HERC1: variants seen among roughly 807,000 people sequenced by gnomAD.
HERC1 encodes HECT and RLD domain containing E3 ubiquitin protein ligase family member 1, also known as probable E3 ubiquitin-protein ligase HERC1.
In HERC1, 160 loss-of-function variants were observed where a neutral mutation model predicts 554.3. That is an observed-to-expected ratio of 0.29 (90% CI 0.25 to 0.33). HERC1 has a LOEUF of 0.33. Among genes scored for constraint, HERC1 ranks in the 10% least tolerant of loss-of-function variants. HERC1 has a pLI of 1.00. For synonymous variants in HERC1, 2,175 were observed against 2,131.7 expected, an observed-to-expected ratio of 1.02 and a Z score of -0.56; for missense variants, 4,919 against 5,918.5, an observed-to-expected ratio of 0.83 and a Z score of 5.54.
intron 48 of HERC1, among the ~76,000 whole-genome samples, chr15:63,657,964 G>C (rs1290414232): frequency 6.6e-6 from 1 of 152,078 alleles, no homozygotes; most frequent in East Asian, 1.9e-4. Context: ...ATATGTATGG[G>C]TCAGTTTCTT....
At chr15:63,833,325 A>G (rs1450940931) in intron 1 of HERC1, among the ~76,000 whole-genome samples, 1 of 152,196 alleles carries the variant, frequency 6.6e-6, no homozygotes, top group Non-Finnish European at 1.5e-5. Flanking sequence ...ACGTCGTCCC[A>G]GCCTCCACCC....
chr15:63,764,627 G>A (rs895788596), intron 2 of HERC1, among the ~76,000 whole-genome samples: 2 of 152,126 alleles, frequency 1.3e-5, no homozygotes, highest in Non-Finnish European at 2.9e-5. Context: ...CAAAGCAGCA[G>A]AAAGTCTGTC....
chr15:63,720,103 C>CCTTTTTTTTTTTTTTT (rs2073747290), intron 19 of HERC1, among the ~76,000 whole-genome samples: 3 of 71,608 alleles, frequency 4.2e-5, no homozygotes, highest in African/African-American at 1.8e-4. Flanking sequence ...TTTTTCTTCC[C>CCTTTTTTTTTTTTTTT]TTTTTTTTTT....
In HERC1 at chr15:63,732,928, TA is replaced by T; in HGVS notation, c.2863del (p.Tyr955IlefsTer9). Reference sequence around the variant, plus strand: ...TACAATGAAAGAACAACTTACTGTATAAAATCCTAAATTTCTTAAGAGGGTC... The same window carrying T: ...TACAATGAAAGAACAACTTACTGTATAAATCCTAAATTTCTTAAGAGGGTC... ...MKTLLRNLGF[Y>X]TDQAFGELEK... On this transcript the variant is annotated frameshift_variant, in exon 14 of 78. Transcript: ENST00000443617. LOFTEE classifies it high-confidence loss of function. The T allele has an allele frequency of 6.3e-7, 1 of 1,599,314 alleles. No homozygotes were observed. The highest frequency in any genetic ancestry group is 8.6e-7 in the Non-Finnish European group (1 of 1,166,676).
rs2074106319 is a variant in HERC1 at position 63,727,984 on chromosome 15, T to C, written c.3155-146A>G. The C allele has an allele frequency of 4.9e-6, 3 of 612,350 alleles. No homozygotes were observed. The highest frequency in any genetic ancestry group is 8.6e-6 in the Non-Finnish European group (3 of 350,002). The allele number at this position is 612,350 out of a possible 1,614,324, so 37.9% of individuals were successfully genotyped here. A position where few individuals can be genotyped will look rare whatever the true frequency, so the allele number is the denominator to read the frequency against. ...AACACCTACCTGGTAGCTGATGTAGTATCAGTGTTTATTCACTTTCAGAAA... is the reference window on the plus strand; with the variant it reads ...AACACCTACCTGGTAGCTGATGTAGCATCAGTGTTTATTCACTTTCAGAAA... On this transcript the variant is annotated intron_variant, in intron 16 of 77. Coordinates refer to ENST00000443617, the MANE Select transcript of HERC1 (RefSeq NM_003922.4). The surrounding 1 kb of genome is among the most constrained non-coding windows in gnomAD (Gnocchi z 4.3).
chr15:63,645,217 T>C lies in HERC1; in HGVS notation c.11079-120A>G, dbSNP rs1393296471. ...CTGCATTATTTTTTAAACTTATTTGTAGTACATACAATCTTTTACAAGAAA... is the reference window on the plus strand; with the variant it reads ...CTGCATTATTTTTTAAACTTATTTGCAGTACATACAATCTTTTACAAGAAA... On this transcript the variant is annotated intron_variant, in intron 56 of 77. Coordinates refer to ENST00000443617, the MANE Select transcript of HERC1 (RefSeq NM_003922.4). 4 of 777,470 alleles carry C rather than the reference T, an allele frequency of 5.1e-6. No individual in the cohort carries two copies. In the African/African-American group the frequency reaches 5.2e-5, roughly 10 times the overall value. 48.2% of individuals were successfully genotyped at this position (777,470 alleles called of 1,614,324 possible).
intron 1 of HERC1, among the ~76,000 whole-genome samples, chr15:63,828,837 A>ATTGGAAATAGTTGG (rs1415210960): frequency 1.3e-5 from 2 of 152,230 alleles, no homozygotes; most frequent in African/African-American, 4.8e-5. Flanking sequence ...GAAAATAACT[A>ATTGGAAATAGTTGG]ACCTAAGTAA....
At chr15:63,672,828 G>A (rs2071003986) in intron 38 of HERC1, 134 bp from the exon 39 acceptor site, 1 of 644,524 alleles carries the variant, frequency 1.6e-6, no homozygotes, top group Admixed American at 2.9e-5. Flanking sequence ...TTCTATGAAA[G>A]ATTGACAGAA....
intron 3 of HERC1, among the ~76,000 whole-genome samples, chr15:63,760,000 C>T (rs1052637621): frequency 6.6e-6 from 1 of 152,124 alleles, no homozygotes; most frequent in African/African-American, 2.4e-5. Context: ...CAGAATTGCT[C>T]ATCTACAGGT....
At chr15:63,649,190 T>TA (rs1170002738) in intron 54 of HERC1, among the ~76,000 whole-genome samples, 1 of 152,092 alleles carries the variant, frequency 6.6e-6, no homozygotes, top group Non-Finnish European at 1.5e-5. Context: ...CTGTCTCTAC[T>TA]AAAAATACAA....
intron 8 of HERC1, 50 bp downstream of exon 8, chr15:63,752,908 C>A: frequency 6.5e-7 from 1 of 1,541,074 alleles, no homozygotes; most frequent in Non-Finnish European, 8.8e-7. Context: ...TTTTAGTCAC[C>A]TAATCCTCTG....
At position 63,752,012 on chromosome 15, in the gene HERC1, C is replaced by T. The variant is rs527351115; in HGVS notation, c.1902+946G>A. Among the ~76,000 whole-genome samples, 183 of 152,134 alleles carry T rather than the reference C, an allele frequency of 1.2e-3. 1 individual carries two copies. Among genetic ancestry groups the T allele is most frequent in the African/African-American group, 4.3e-3 (180 of 41,488 alleles). ...ATGCTCAAGGGGTGTCTGTTATTTG[C>T]CTGTGTGTATACATCAAATACATAA... On this transcript the variant is annotated intron_variant, in intron 8 of 77. Transcript: ENST00000443617.
chr15:63,663,129 C>T lies in HERC1; in HGVS notation c.8756G>A (p.Gly2919Glu). Reference protein sequence around the residue: ...REGISLQQDPGALYDFNLDEE... With the variant: ...REGISLQQDPEALYDFNLDEE... ...ATCTAAATTAAAGTCATACAACGCC[C>T]CTGGGTCTTGCTGCAAAGATATTCC... The change falls in exon 44 of 78, where the codon GGG becomes GAG. Residue 2919 changes from glycine to glutamate, a missense_variant. Physicochemically the swap from Gly to Glu is moderately conservative, Grantham distance 98. This residue lies in a region of HERC1 where 1,963 missense variants were observed against 2,228.6 expected (regional missense o/e 0.88). Coordinates refer to ENST00000443617, the MANE Select transcript of HERC1 (RefSeq NM_003922.4). The T allele has an allele frequency of 6.2e-7, 1 of 1,614,002 alleles. No homozygotes were observed. The highest frequency in any genetic ancestry group is 8.5e-7 in the Non-Finnish European group (1 of 1,179,874).
intron 12 of HERC1, among the ~76,000 whole-genome samples, chr15:63,744,156 G>GTCTCTCTCTCTCTC (rs2074954920): frequency 2.4e-5 from 1 of 41,384 alleles, no homozygotes; most frequent in Admixed American, 2.6e-4. Context: ...GTGTGTGTGT[G>GTCTCTCTCTCTCTC]TGTGTGTGTC....
chr15:63,663,022 C>T lies in HERC1; in HGVS notation c.8863G>A (p.Gly2955Arg). The stretch of plus-strand genomic sequence containing the variant: ...TCCAGTACCTCTGGGATCCACATTC[C>T]CAGAATATCATTGTCACTGGTCAGG... ...QDLTSDNDIL[G>R]MWIPEVLDWP... Residue 2955 changes from glycine (G) to arginine (R), a missense_variant, in exon 44 of 78, where the codon GGA becomes AGA. Around this residue, in one of 11 missense-constraint regions of HERC1, gnomAD observed 1,963 missense variants for 2,228.6 expected, o/e 0.88. Transcript: ENST00000443617. 1 of 1,614,000 alleles carries T rather than the reference C, an allele frequency of 6.2e-7. No homozygotes were observed. The highest frequency in any genetic ancestry group is 8.5e-7 in the Non-Finnish European group (1 of 1,179,884).
intron 44 of HERC1, among the ~76,000 whole-genome samples, chr15:63,662,589 A>G (rs1026106535): frequency 6.6e-6 from 1 of 152,228 alleles, no homozygotes; most frequent in Non-Finnish European, 1.5e-5. Flanking sequence ...AAGGCATTAC[A>G]TTGATTAAAT....
intron 1 of HERC1, among the ~76,000 whole-genome samples, chr15:63,832,327 C>T (rs1290723113): frequency 6.6e-6 from 1 of 152,022 alleles, no homozygotes; most frequent in African/African-American, 2.4e-5. Flanking sequence ...ATAAGACAGG[C>T]ACCTAGGACA....
intron 39 of HERC1, among the ~76,000 whole-genome samples, chr15:63,670,312 G>A (rs1300182921): frequency 6.6e-6 from 1 of 152,156 alleles, no homozygotes; most frequent in Non-Finnish European, 1.5e-5. Flanking sequence ...AGGTATTGGA[G>A]GGAGAACCCC....
At chr15:63,616,101 C>G (rs1438038555) in intron 75 of HERC1, among the ~76,000 whole-genome samples, 181 bp from the exon 76 acceptor site, 2 of 152,278 alleles carry the variant, frequency 1.3e-5, no homozygotes, top group Middle Eastern at 3.4e-3. Flanking sequence ...ACTCAACCAG[C>G]TGTAGTTAAA....
Sources: gnomAD v4.1 joint callset for allele counts (sites outside exome capture counted in the v4.1 genomes callset) on GRCh38, gnomAD v4.1.1 for gene constraint, gnomAD v4.1.1 regional missense constraint, Gnocchi (gnomAD v3.1) non-coding constraint, MANE v1.5 for transcripts, NCBI Gene and HGNC (gene_info 2026-07-23, HGNC 2026-07-21) for gene names.